The following PKNOX1 variants were observed in gnomAD, a reference collection of about 807,000 sequenced individuals.
PKNOX1 encodes the protein homeobox protein PKNOX1.
PKNOX1 carries 15 observed loss-of-function variants against 51.9 expected under a neutral mutation model. The observed-to-expected ratio is 0.29, with a 90% confidence interval of 0.19 to 0.45. The LOEUF is 0.45. Ranked by LOEUF, PKNOX1 falls within the 20% of genes least tolerant of loss-of-function variation. The probability of loss-of-function intolerance (pLI) is 1.00; values close to 1 mark genes in which losing one functional copy is unlikely to be tolerated. For missense variants in PKNOX1, 462 were observed against 547.5 expected, an observed-to-expected ratio of 0.84 and a Z score of 1.56; for synonymous variants, 219 against 211.1, an observed-to-expected ratio of 1.04 and a Z score of -0.32.
At chr21:42,975,759 C>A (rs2058993290) in intron 1 of PKNOX1, among the ~76,000 whole-genome samples, 1 of 152,224 alleles carries the variant, frequency 6.6e-6, no homozygotes. Flanking sequence ...GGGGGTGTTC[C>A]ACCTGTGTGT....
chr21:43,023,597 T>G (rs932257644), intron 8 of PKNOX1, among the ~76,000 whole-genome samples: 3 of 151,840 alleles, frequency 2.0e-5, no homozygotes, highest in Non-Finnish European at 2.9e-5. Context: ...CGGTTGGTAC[T>G]TCTGTGAGTT....
At chr21:43,013,939 C>T (rs775755799) in intron 5 of PKNOX1, among the ~76,000 whole-genome samples, 1 of 151,846 alleles carries the variant, frequency 6.6e-6, no homozygotes, top group Non-Finnish European at 1.5e-5. Context: ...TTTCATTTCC[C>T]TGATGGCTAA....
At chr21:43,009,433 G>C (rs565304454) in intron 3 of PKNOX1, among the ~76,000 whole-genome samples, 1 of 150,944 alleles carries the variant, frequency 6.6e-6, no homozygotes, top group Non-Finnish European at 1.5e-5. Flanking sequence ...CAACAAGAGC[G>C]AAACTCCATC....
chr21:43,014,851 C>G (rs1979419815), intron 5 of PKNOX1, among the ~76,000 whole-genome samples: 1 of 152,216 alleles, frequency 6.6e-6, no homozygotes, highest in African/African-American at 2.4e-5. Flanking sequence ...TGTTCTGGTT[C>G]CTTTGCCTGT....
intron 7 of PKNOX1, among the ~76,000 whole-genome samples, chr21:43,018,780 T>C (rs545731595): frequency 4.1e-4 from 62 of 152,164 alleles, no homozygotes; most frequent in Non-Finnish European, 7.4e-4. Context: ...TGGTGTGTGT[T>C]ATCAGTTCTT....
chr21:42,986,132 A>G (rs1201135361), intron 1 of PKNOX1, among the ~76,000 whole-genome samples: 3 of 152,136 alleles, frequency 2.0e-5, no homozygotes, highest in African/African-American at 7.2e-5. Flanking sequence ...TTTGATACAG[A>G]TTTTAACAGG....
At chr21:43,004,237 CAA>C (rs900704157) in intron 1 of PKNOX1, 87 bp from the exon 2 acceptor site, 89 of 485,056 alleles carry the variant, frequency 1.8e-4, no homozygotes, top group East Asian at 3.1e-4. Context: ...AACTCGGTCT[CAA>C]AAAAAAAAAA....
At chr21:43,013,931 T>C (rs1172497057) in intron 5 of PKNOX1, among the ~76,000 whole-genome samples, 1 of 152,192 alleles carries the variant, frequency 6.6e-6, no homozygotes, top group Non-Finnish European at 1.5e-5. Flanking sequence ...GTTTTAATTT[T>C]CATTTCCCTG....
chr21:43,008,944 A>G (rs1303769798), intron 3 of PKNOX1, among the ~76,000 whole-genome samples: 1 of 152,234 alleles, frequency 6.6e-6, no homozygotes, highest in Admixed American at 6.5e-5. Context: ...AGCTGGAAAC[A>G]GTGCCCATGC....
Position 42,999,212 on chromosome 21 carries a change from T to C in PKNOX1, c.-56-5114T>C, listed in dbSNP as rs1266090498. Among the ~76,000 whole-genome samples, 6 of 152,376 alleles carry C rather than the reference T, an allele frequency of 3.9e-5. No individual in the cohort carries two copies. The South Asian group carries it at 8.3e-4, about 21-fold the overall frequency. On this transcript the variant is annotated intron_variant, in intron 1 of 10. Transcript: ENST00000291547. ...CTGAAGCCAAGGCCCGAGTTCTGCA[T>C]TGGCCCTTTTCAGCCACGGCTGGAG...
At chr21:42,980,643 A>G (rs2059021469) in intron 1 of PKNOX1, among the ~76,000 whole-genome samples, 1 of 152,218 alleles carries the variant, frequency 6.6e-6, no homozygotes, top group Admixed American at 6.5e-5. Flanking sequence ...AAGAGAACAA[A>G]TTATTTTGAA....
chr21:43,018,121 C>A lies in PKNOX1; in HGVS notation c.623-12C>A. 7.2e-7 allele frequency: 1 copy of A among 1,382,900 alleles called. No individual in the cohort carries two copies. The highest frequency in any genetic ancestry group is 1.0e-6 in the Non-Finnish European group (1 of 995,488). 85.7% of individuals were successfully genotyped at this position (1,382,900 alleles called of 1,614,324 possible). A position where few individuals can be genotyped will look rare whatever the true frequency, so the allele number is the denominator to read the frequency against. ...TTAAAAGCAGCCTCATATTTTTATTCTCCCTTTCGAGGTGGCACAGTGTAT... is the reference window on the plus strand; with the variant it reads ...TTAAAAGCAGCCTCATATTTTTATTATCCCTTTCGAGGTGGCACAGTGTAT... On this transcript the variant is annotated splice_polypyrimidine_tract_variant and intron_variant, in intron 6 of 10. Coordinates refer to ENST00000291547, the MANE Select transcript of PKNOX1 (RefSeq NM_004571.5).
At chr21:43,018,665 C>A (rs1178068667) in intron 7 of PKNOX1, among the ~76,000 whole-genome samples, 1 of 152,072 alleles carries the variant, frequency 6.6e-6, no homozygotes, top group African/African-American at 2.4e-5. Context: ...CTGGCCCACA[C>A]CTCCATCATG....
chr21:43,000,403 A>G lies in PKNOX1; in HGVS notation c.-56-3923A>G, dbSNP rs532971495. Among the ~76,000 whole-genome samples the G allele has an allele frequency of 3.3e-4, 51 of 152,336 alleles. 1 individual carries two copies. The highest frequency in any genetic ancestry group is 1.1e-3 in the African/African-American group (47 of 41,580). ...TCATGGCGGAAGGCAAGGAAAAGCA[A>G]ATTATGTCTTACATGGATGGCAGCA... On this transcript the variant is annotated intron_variant, in intron 1 of 10. Coordinates refer to ENST00000291547, the MANE Select transcript of PKNOX1 (RefSeq NM_004571.5).
In PKNOX1 at chr21:43,029,049, C is replaced by T. The variant is rs568044861; in HGVS notation, c.1099+175C>T. 119 of 653,878 alleles carry T rather than the reference C, an allele frequency of 1.8e-4. 2 individuals are homozygous for T. In the Admixed American group the frequency reaches 2.4e-3, roughly 13 times the overall value. The allele number at this position is 653,878 out of a possible 1,614,324, so 40.5% of individuals were successfully genotyped here. On this transcript the variant is annotated intron_variant, in intron 10 of 10. Coordinates refer to ENST00000291547, the MANE Select transcript of PKNOX1 (RefSeq NM_004571.5). ...AAGCTGCATTCTGCGTGCACGGGAGCTCTCAGTAAGAGTTAGGAGCACCAG... is the reference window on the plus strand; with the variant it reads ...AAGCTGCATTCTGCGTGCACGGGAGTTCTCAGTAAGAGTTAGGAGCACCAG...
chr21:43,010,319 C>G (rs1979194292), intron 4 of PKNOX1, 95 bp downstream of exon 4: 1 of 655,626 alleles, frequency 1.5e-6, no homozygotes, highest in African/African-American at 1.8e-5. Context: ...GCTTGTAGTT[C>G]TGCTAAAGGA....
chr21:42,993,646 CTT>C (rs1978339389), intron 1 of PKNOX1, among the ~76,000 whole-genome samples: 5 of 69,530 alleles, frequency 7.2e-5, no homozygotes, highest in African/African-American at 2.6e-4. Context: ...TGGTTACCCA[CTT>C]TGTTTTTTTT....
At chr21:42,987,623 T>C in intron 1 of PKNOX1, among the ~76,000 whole-genome samples, 1 of 146,622 alleles carries the variant, frequency 6.8e-6, no homozygotes. Flanking sequence ...TTCTACTTTT[T>C]TTTTTTTTTT....
chr21:42,975,290 TG>T (rs2058988921), intron 1 of PKNOX1, among the ~76,000 whole-genome samples: 1 of 114,380 alleles, frequency 8.7e-6, no homozygotes, highest in African/African-American at 3.5e-5. Context: ...GTCGGGGTCC[TG>T]GGGGCGGTGG....
Sources: allele counts gnomAD v4.1 joint callset (sites outside exome capture counted in the v4.1 genomes callset), GRCh38; gene constraint gnomAD v4.1.1; transcripts MANE v1.5; gene names NCBI Gene and HGNC (gene_info 2026-07-23, HGNC 2026-07-21).